Variants in ENPP7 observed in about 807,000 individuals in gnomAD.
The protein encoded by ENPP7 is ectonucleotide pyrophosphatase/phosphodiesterase 7.
ENPP7 carries 39 observed loss-of-function variants against 33.6 expected under a neutral mutation model. The ratio of observed to expected loss-of-function variants is 1.16; its 90% CI spans 0.90 to 1.52. The LOEUF (loss-of-function observed/expected upper bound fraction) is 1.52, where lower values mean the gene tolerates loss of function less well. Among genes scored for constraint, ENPP7 ranks in the 40% most tolerant of loss-of-function variants. The pLI is 0.00. For synonymous variants in ENPP7, 244 were observed against 274.3 expected (o/e 0.89, Z 1.09); for missense variants, 594 against 641.0 (o/e 0.93, Z 0.79).
intron 1 of ENPP7, among the ~76,000 whole-genome samples, chr17:79,732,828 G>T (rs548642868): frequency 5.3e-5 from 8 of 152,218 alleles, no homozygotes; most frequent in Admixed American, 4.6e-4. Context: ...GCATGAATGT[G>T]GTGGGACACC....
At position 79,733,599 on chromosome 17, in the gene ENPP7, C is replaced by T; in HGVS notation, c.345C>T (p.Ile115=). Residue 115 remains isoleucine (I), a synonymous_variant, in exon 2 of 6, where the codon ATC becomes ATT. Transcript: ENST00000328313. ...VKLPYHATLG[I]QRWWDNGSVP... is the part of the protein sequence containing the mutation. ...TGCCCTACCACGCCACGCTGGGCAT[C>T]CAGAGGTGGTGGGACAACGGCAGCG... The T allele has an allele frequency of 6.2e-7, 1 of 1,613,522 alleles. No homozygotes were observed.
chr17:79,731,567 A>G (rs1555822520), intron 1 of ENPP7, among the ~76,000 whole-genome samples, 175 bp downstream of exon 1: 2 of 138,936 alleles, frequency 1.4e-5, no homozygotes, highest in African/African-American at 5.5e-5. Flanking sequence ...ACAAAGAAAA[A>G]TGACCAGGGG....
Position 79,741,981 on chromosome 17 carries a change from C to A in ENPP7, c.*204C>A. The A allele has an allele frequency of 4.1e-6, 4 of 983,274 alleles. No individual in the cohort carries two copies. The African/African-American group carries it at 7.0e-5, about 17-fold the overall frequency. 60.9% of individuals were successfully genotyped at this position (983,274 alleles called of 1,614,324 possible). A position where few individuals can be genotyped will look rare whatever the true frequency, so the allele number is the denominator to read the frequency against. On this transcript the variant is annotated 3_prime_UTR_variant, in exon 6 of 6. Transcript: ENST00000328313. Reference sequence around the variant, plus strand: ...TAAGCCTCGCAGCCCAGGTCCAGAGCCCCCGGCGAGCCGGTCCCATAACCG... The same window carrying A: ...TAAGCCTCGCAGCCCAGGTCCAGAGACCCCGGCGAGCCGGTCCCATAACCG...
rs1039138054 is a variant in ENPP7, at chr17:79,737,720, G to A, written c.1247-196G>A. ...TGACAAGGTGGCGACCCCGGCGGGG[G>A]CCTGGCTGGAGAGGGGTGGGCTCTA... On this transcript the variant is annotated intron_variant, in intron 4 of 5. Transcript: ENST00000328313. This position sits in a 1 kb window ranked among gnomAD's most constrained non-coding sequence, Gnocchi z 5.5. Among the ~76,000 whole-genome samples, 6 of 152,218 alleles carry A rather than the reference G, an allele frequency of 3.9e-5. No homozygotes were observed. The highest frequency in any genetic ancestry group is 1.4e-4 in the African/African-American group (6 of 41,460).
chr17:79,741,896 G>C lies in ENPP7; in HGVS notation c.*119G>C. 1 of 985,678 alleles carries C rather than the reference G, an allele frequency of 1.0e-6. No individual in the cohort carries two copies. The highest frequency in any genetic ancestry group is 1.2e-6 in the Non-Finnish European group (1 of 830,158). 61.1% of individuals were successfully genotyped at this position (985,678 alleles called of 1,614,324 possible). A position where few individuals can be genotyped will look rare whatever the true frequency, so the allele number is the denominator to read the frequency against. On this transcript the variant is annotated 3_prime_UTR_variant, in exon 6 of 6. Coordinates refer to ENST00000328313, the MANE Select transcript of ENPP7 (RefSeq NM_178543.5). ...CCTCCCCAGCTTATCCCAGGCCAGA[G>C]GCTGCATGCCACTGTCCCCGGCAGC...
Position 79,735,559 on chromosome 17 carries a change from A to C in ENPP7, c.916A>C (p.Lys306Gln). ...VYDALKDAHP[K>Q]LHVYKKEAFP... ...CGATGCCCTCAAGGACGCCCACCCC[A>C]AGCTCCACGTCTACAAGAAGGAGGC... Residue 306 changes from lysine to glutamine, a missense_variant, in exon 3 of 6, where the codon AAG (lysine) becomes CAG (glutamine). Physicochemically the swap from Lys to Gln is moderately conservative, Grantham distance 53. Around this residue, in one of 3 missense-constraint regions of ENPP7, gnomAD observed 504 missense variants for 512.8 expected, o/e 0.98. Transcript: ENST00000328313. This position sits in a 1 kb window ranked among gnomAD's most constrained non-coding sequence, Gnocchi z 5.5. 1 of 1,613,522 alleles carries C rather than the reference A, an allele frequency of 6.2e-7. No homozygotes were observed. The highest frequency in any genetic ancestry group is 8.5e-7 in the Non-Finnish European group (1 of 1,179,724).
intron 1 of ENPP7, among the ~76,000 whole-genome samples, chr17:79,731,919 G>GA (rs1191495364): frequency 1.5e-4 from 23 of 151,842 alleles, no homozygotes; most frequent in Non-Finnish European, 3.2e-4. Context: ...CCAACATGGC[G>GA]AAACCCCATC....
chr17:79,735,013 T>A lies in ENPP7; in HGVS notation c.400-30T>A, dbSNP rs1555823174. ...AGACAAGGGGCAGCCCACTGAGGAG[T>A]CCTGTCTTTCACGCTGCCTTGTCTG... On this transcript the variant is annotated intron_variant, in intron 2 of 5. Transcript: ENST00000328313. This position sits in a 1 kb window ranked among gnomAD's most constrained non-coding sequence, Gnocchi z 5.5. 1.2e-5 allele frequency: 20 copies of A among 1,605,868 alleles called. No homozygotes were observed. Among genetic ancestry groups the A allele is most frequent in the Non-Finnish European group, 1.7e-5 (20 of 1,175,686 alleles).
chr17:79,731,698 G>T (rs1239716939), intron 1 of ENPP7, among the ~76,000 whole-genome samples: 1 of 152,168 alleles, frequency 6.6e-6, no homozygotes, highest in South Asian at 2.1e-4. Flanking sequence ...CCTCCAGCTG[G>T]CTGTGTCAGC....
chr17:79,734,266 A>G (rs1166952603), intron 2 of ENPP7, among the ~76,000 whole-genome samples: 1 of 149,778 alleles, frequency 6.7e-6, no homozygotes. Context: ...GCCCATGCCC[A>G]CCCCAGAGCC....
intron 5 of ENPP7, among the ~76,000 whole-genome samples, chr17:79,740,256 G>A (rs577380441): frequency 1.5e-4 from 23 of 152,144 alleles, no homozygotes; most frequent in Non-Finnish European, 2.9e-4. Context: ...GTAGGAATGT[G>A]GAGATGTGTG....
chr17:79,735,139 T>C lies in ENPP7; in HGVS notation c.496T>C (p.Tyr166His), dbSNP rs1555823237. ...RSRKEGIAHN[Y>H]KNETEWRANI... ...CCGGAAAGAAGGCATCGCACACAAC[T>C]ACAAAAATGAGACGGAGTGGAGAGC... The change falls in exon 3 of 6, where the codon TAC becomes CAC. Residue 166 changes from tyrosine (Y) to histidine (H), a missense_variant. Physicochemically the swap from Tyr to His is moderately conservative, Grantham distance 83. Around this residue, in one of 3 missense-constraint regions of ENPP7, gnomAD observed 504 missense variants for 512.8 expected, o/e 0.98. Transcript: ENST00000328313. The surrounding 1 kb of genome is among the most constrained non-coding windows in gnomAD (Gnocchi z 5.5). The C allele has an allele frequency of 6.2e-7, 1 of 1,613,054 alleles. No individual in the cohort carries two copies. The highest frequency in any genetic ancestry group is 1.1e-5 in the South Asian group (1 of 91,066).
chr17:79,733,292 C>T (rs113400500), intron 1 of ENPP7, among the ~76,000 whole-genome samples: 2 of 152,340 alleles, frequency 1.3e-5, no homozygotes, highest in African/African-American at 4.8e-5. Flanking sequence ...GGTCAAAGAA[C>T]ACGTGTCTAT....
chr17:79,731,442 C>T (rs1284600657), intron 1 of ENPP7, 50 bp downstream of exon 1: 2 of 1,566,646 alleles, frequency 1.3e-6, no homozygotes, highest in Non-Finnish European at 1.7e-6. Flanking sequence ...CCTGAGAAAC[C>T]AGATGGCACA....
At chr17:79,740,211 T>C (rs2094302900) in intron 5 of ENPP7, among the ~76,000 whole-genome samples, 1 of 151,928 alleles carries the variant, frequency 6.6e-6, no homozygotes, top group South Asian at 2.1e-4. Context: ...AATAAATCAA[T>C]GAAAGAGAAA....
At chr17:79,733,472 C>G (rs2094289872) in intron 1 of ENPP7, 36 bp from the exon 2 acceptor site, 1 of 1,602,972 alleles carries the variant, frequency 6.2e-7, no homozygotes, top group African/African-American at 1.3e-5. Context: ...TGACCCCGGT[C>G]CATCCCGCCG....
rs782416291 is a variant in ENPP7, at chr17:79,738,214, C to G, written c.*16+152C>G. On this transcript the variant is annotated intron_variant, in intron 5 of 5. Transcript: ENST00000328313. This position sits in a 1 kb window ranked among gnomAD's most constrained non-coding sequence, Gnocchi z 6.2. ...CACTGACCTGGCTGCCCCAGAGAGGCCATCACCCCTGAGATCCCGAGGCTG... is the reference window on the plus strand; with the variant it reads ...CACTGACCTGGCTGCCCCAGAGAGGGCATCACCCCTGAGATCCCGAGGCTG... 2.4e-5 allele frequency: 17 copies of G among 715,008 alleles called. No homozygotes were observed. The highest frequency in any genetic ancestry group is 3.7e-5 in the Non-Finnish European group (16 of 434,004). 44.3% of individuals were successfully genotyped at this position (715,008 alleles called of 1,614,324 possible).
chr17:79,740,823 C>A (rs1349074143), intron 5 of ENPP7, among the ~76,000 whole-genome samples: 1 of 152,150 alleles, frequency 6.6e-6, no homozygotes, highest in Non-Finnish European at 1.5e-5. Context: ...AACGTGAGGT[C>A]ACCGAACACA....
rs2094294860 is a variant in ENPP7 at position 79,735,909 on chromosome 17, T to C, written c.1026+240T>C. Among the ~76,000 whole-genome samples, 1 of 151,902 alleles carries C rather than the reference T, an allele frequency of 6.6e-6. No individual in the cohort carries two copies. The highest frequency in any genetic ancestry group is 2.4e-5 in the African/African-American group (1 of 41,346). ...CTGGCTAATTTTTGTGTGTGTTTTG[T>C]TTTGTTTTGTTTCATTTGAGACAGA... is the stretch of plus-strand genomic sequence containing the variant. On this transcript the variant is annotated intron_variant, in intron 3 of 5. Transcript: ENST00000328313. The surrounding 1 kb of genome is among the most constrained non-coding windows in gnomAD (Gnocchi z 5.5).
Sources: allele counts gnomAD v4.1 joint callset (sites outside exome capture counted in the v4.1 genomes callset), GRCh38; gene constraint gnomAD v4.1.1; regional missense constraint gnomAD v4.1.1; non-coding constraint Gnocchi (gnomAD v3.1); transcripts MANE v1.5; gene names NCBI Gene and HGNC (gene_info 2026-07-23, HGNC 2026-07-21).